The following ZBTB48 variants were observed in gnomAD, a reference collection of about 807,000 sequenced individuals.
ZBTB48 encodes zinc finger and BTB domain containing 48.
In ZBTB48, 35 loss-of-function variants were observed where a neutral mutation model predicts 64.5. That is an observed-to-expected ratio of 0.54 (90% CI 0.41 to 0.72). The LOEUF (loss-of-function observed/expected upper bound fraction) is 0.72, where lower values mean the gene tolerates loss of function less well. ZBTB48 is among the 30% of genes least tolerant of loss of function. The probability of loss-of-function intolerance (pLI) is 0.00; values close to 1 mark genes in which losing one functional copy is unlikely to be tolerated. For missense variants in ZBTB48, 828 were observed against 895.3 expected (o/e 0.92, Z 0.96); for synonymous variants, 442 against 356.7 (o/e 1.24, Z -2.70).
chr1:6,580,921 G>A lies in ZBTB48; in HGVS notation c.312G>A (p.Val104=), dbSNP rs1640423946. The change falls in exon 2 of 11, where the codon GTG becomes GTA. Residue 104 remains valine (V), a synonymous_variant. Coordinates refer to ENST00000377674, the MANE Select transcript of ZBTB48 (RefSeq NM_005341.4). The surrounding 1 kb of genome is among the most constrained non-coding windows in gnomAD (Gnocchi z 5.2). The stretch of plus-strand genomic sequence containing the variant: ...TCCTGGCAGCCAGGGAGTTGCGAGT[G>A]CCAGAGGCCGTAGAGCTGTGCCAGA... The part of the protein sequence containing the change: ...QVLLAARELR[V]PEAVELCQSF... The A allele has an allele frequency of 1.2e-6, 2 of 1,614,060 alleles. No homozygotes were observed. Among genetic ancestry groups the A allele is most frequent in the Non-Finnish European group, 1.7e-6 (2 of 1,180,052 alleles).
intron 5 of ZBTB48, 170 bp from the exon 6 acceptor site, chr1:6,587,035 G>C: frequency 1.1e-6 from 1 of 882,890 alleles, no homozygotes; most frequent in East Asian, 2.6e-5. Flanking sequence ...CCTCTGGGCA[G>C]CTGAGCCCTG....
chr1:6,585,469 G>A, intron 3 of ZBTB48: 1 of 184,352 alleles, frequency 5.4e-6, no homozygotes. Flanking sequence ...AACCTGTGGG[G>A]GAGGCAGTCA....
intron 9 of ZBTB48, 153 bp from the exon 10 acceptor site, chr1:6,588,603 G>C (rs1440448812): frequency 6.9e-7 from 1 of 1,445,216 alleles, no homozygotes; most frequent in Non-Finnish European, 9.3e-7. Context: ...GTGCAGTAGT[G>C]ACCCTGGGTG....
At position 6,581,193 on chromosome 1, in the gene ZBTB48, A is replaced by T; in HGVS notation, c.584A>T (p.Gln195Leu). Residue 195 changes from glutamine (Q) to leucine (L), a missense_variant, in exon 2 of 11, where the codon CAG (glutamine) becomes CTG (leucine). Transcript: ENST00000377674. ...TCCTCCCTCTGTGGGAAACTGAAGC[A>T]GGCCTTGAAGCCTTGTCCCCTTGAG... ...GPSSLCGKLK[Q>L]ALKPCPLEDK... The T allele has an allele frequency of 6.2e-7, 1 of 1,613,488 alleles. No individual in the cohort carries two copies. The highest frequency in any genetic ancestry group is 8.5e-7 in the Non-Finnish European group (1 of 1,180,024).
At chr1:6,585,674 T>C (rs2148691251) in intron 3 of ZBTB48, 1 of 516,570 alleles carries the variant, frequency 1.9e-6, no homozygotes, top group Non-Finnish European at 3.5e-6. Flanking sequence ...TGGGCCTCCC[T>C]GTCGGCCTCT....
intron 2 of ZBTB48, 116 bp from the exon 3 acceptor site, chr1:6,581,942 T>C (rs1640484320): frequency 6.7e-7 from 1 of 1,486,438 alleles, no homozygotes; most frequent in African/African-American, 1.4e-5. Flanking sequence ...AAGGAACTTG[T>C]CTGATGAAGG....
Position 6,580,553 on chromosome 1 carries a change from G to A in ZBTB48, c.-57G>A. 1.3e-6 allele frequency: 2 copies of A among 1,547,480 alleles called. No homozygotes were observed. Among genetic ancestry groups the A allele is most frequent in the Non-Finnish European group, 1.7e-6 (2 of 1,143,014 alleles). ...CTCTTGACTCCAGGAGCTTTCTCTT[G>A]CATACCCTCGCTTAGGCTGGCCGGG... On this transcript the variant is annotated 5_prime_UTR_variant, in exon 2 of 11. Transcript: ENST00000377674. The surrounding 1 kb of genome is among the most constrained non-coding windows in gnomAD (Gnocchi z 5.2).
In ZBTB48 at chr1:6,580,151, G is replaced by C. The variant is rs1249065098; in HGVS notation, c.-70+15G>C. 1 of 191,908 alleles carries C rather than the reference G, an allele frequency of 5.2e-6. No homozygotes were observed. Among genetic ancestry groups the C allele is most frequent in the Non-Finnish European group, 1.1e-5 (1 of 91,666 alleles). 11.9% of individuals were successfully genotyped at this position (191,908 alleles called of 1,614,324 possible). The stretch of plus-strand genomic sequence containing the variant: ...GACCTGCCTGGGTGAGGAGGGCGCG[G>C]GGTGAGGGAGGGAGGGGCTGCGGGC... On this transcript the variant is annotated intron_variant, in intron 1 of 10. Coordinates refer to ENST00000377674, the MANE Select transcript of ZBTB48 (RefSeq NM_005341.4). The surrounding 1 kb of genome is among the most constrained non-coding windows in gnomAD (Gnocchi z 5.2).
At position 6,580,461 on chromosome 1, in the gene ZBTB48, A is replaced by T; in HGVS notation, c.-69-80A>T. 1.2e-6 allele frequency: 1 copy of T among 812,916 alleles called. No homozygotes were observed. The highest frequency in any genetic ancestry group is 1.9e-6 in the Non-Finnish European group (1 of 532,870). The allele number at this position is 812,916 out of a possible 1,614,324, so 50.4% of individuals were successfully genotyped here. A position where few individuals can be genotyped will look rare whatever the true frequency, so the allele number is the denominator to read the frequency against. On this transcript the variant is annotated intron_variant, in intron 1 of 10. Transcript: ENST00000377674. The surrounding 1 kb of genome is among the most constrained non-coding windows in gnomAD (Gnocchi z 5.2). ...TTCCAGCCCTCCGCGTGCACCCCTC[A>T]CCCTGACCCAAGCCCTCGTGCTGAT...
At chr1:6,582,908 G>A (rs964973178) in intron 3 of ZBTB48, among the ~76,000 whole-genome samples, 3 of 152,192 alleles carry the variant, frequency 2.0e-5, no homozygotes, top group Admixed American at 6.5e-5. Flanking sequence ...GGGCTCAATC[G>A]ATCCACCCAC....
chr1:6,587,923 G>C, intron 7 of ZBTB48, 137 bp from the exon 8 acceptor site: 2 of 1,267,444 alleles, frequency 1.6e-6, no homozygotes, highest in Admixed American at 2.5e-5. Flanking sequence ...TTGTCCTTCT[G>C]CTCTCGGGGT....
rs749224047 is a variant in ZBTB48 at position 6,580,788 on chromosome 1, G to A, written c.179G>A (p.Gly60Glu). The part of the protein sequence containing the change: ...FFQSLYGDGS[G>E]GSVVLPAGFA... ...CAGAGCCTCTACGGGGATGGCTCAG[G>A]GGGCAGTGTCGTCCTCCCTGCTGGC... The change falls in exon 2 of 11, where the codon GGG becomes GAG. Residue 60 changes from glycine (G) to glutamate (E), a missense_variant. Transcript: ENST00000377674. The surrounding 1 kb of genome is among the most constrained non-coding windows in gnomAD (Gnocchi z 5.2). The A allele has an allele frequency of 6.2e-7, 1 of 1,614,124 alleles. No homozygotes were observed. Among genetic ancestry groups the A allele is most frequent in the African/African-American group, 1.3e-5 (1 of 74,954 alleles).
intron 9 of ZBTB48, 110 bp downstream of exon 9, chr1:6,588,552 T>TA (rs1640763498): frequency 6.9e-7 from 1 of 1,449,916 alleles, no homozygotes; most frequent in African/African-American, 1.4e-5. Context: ...CCCACATGGT[T>TA]AGAGTTGAGA....
Position 6,584,510 on chromosome 1 carries a change from CACTAGT to C in ZBTB48, c.933-1407_933-1402del, listed in dbSNP as rs1640590629. On this transcript the variant is annotated intron_variant, in intron 3 of 10. Transcript: ENST00000377674. This position sits in a 1 kb window ranked among gnomAD's most constrained non-coding sequence, Gnocchi z 4.5. ...TCTTGCCATGCCAGGTTGGGCGGCACACTAGTAATCACCTAGAATGGGAGCCAGGGG... is the reference window on the plus strand; with the variant it reads ...TCTTGCCATGCCAGGTTGGGCGGCACAATCACCTAGAATGGGAGCCAGGGG... Among the ~76,000 whole-genome samples, 1 of 152,268 alleles carries C rather than the reference CACTAGT, an allele frequency of 6.6e-6. No homozygotes were observed. The highest frequency in any genetic ancestry group is 2.4e-5 in the African/African-American group (1 of 41,476).
Position 6,580,894 on chromosome 1 carries a change from G to T in ZBTB48, c.285G>T (p.Val95=), listed in dbSNP as rs1318675239. Residue 95 remains valine, a synonymous_variant, in exon 2 of 11, where the codon GTG becomes GTT. Coordinates refer to ENST00000377674, the MANE Select transcript of ZBTB48 (RefSeq NM_005341.4). The surrounding 1 kb of genome is among the most constrained non-coding windows in gnomAD (Gnocchi z 5.2). ...TCACCTCAGGGAACCGGGATCAGGT[G>T]CTCCTGGCAGCCAGGGAGTTGCGAG... The part of the protein sequence containing the change: ...LALTSGNRDQ[V]LLAARELRVP... 1 of 1,614,150 alleles carries T rather than the reference G, an allele frequency of 6.2e-7. No individual in the cohort carries two copies.
chr1:6,589,037 C>T lies in ZBTB48; in HGVS notation c.1892C>T (p.Pro631Leu), dbSNP rs1640785005. The change falls in exon 11 of 11, where the codon CCT becomes CTT. Residue 631 changes from proline to leucine, a missense_variant. By Grantham distance (98) the Pro-to-Leu change is moderately conservative. Transcript: ENST00000377674. ...ATGGTGGTGGTGGCGCTGCAGCCGC[C>T]TGCAGAGCTGGAGGTGGGCTCGGCG... is the stretch of plus-strand genomic sequence containing the variant. ...EKMVVVALQP[P>L]AELEVGSAEV... The T allele has an allele frequency of 6.2e-7, 1 of 1,600,170 alleles. No homozygotes were observed.
chr1:6,586,681 C>T lies in ZBTB48; in HGVS notation c.1045-14C>T, dbSNP rs1292866852. 3 of 1,532,812 alleles carry T rather than the reference C, an allele frequency of 2.0e-6. No individual in the cohort carries two copies. Among genetic ancestry groups the T allele is most frequent in the Non-Finnish European group, 1.8e-6 (2 of 1,139,650 alleles). The allele number at this position is 1,532,812 out of a possible 1,614,324, so 95.0% of individuals were successfully genotyped here. A position where few individuals can be genotyped will look rare whatever the true frequency, so the allele number is the denominator to read the frequency against. On this transcript the variant is annotated splice_polypyrimidine_tract_variant and intron_variant, in intron 4 of 10. Coordinates refer to ENST00000377674, the MANE Select transcript of ZBTB48 (RefSeq NM_005341.4). ...CCCGCTGATGCCGGCCCTGCTTGCCCCTCACACTGCCAGGTCTTCACGTGC... is the reference window on the plus strand; with the variant it reads ...CCCGCTGATGCCGGCCCTGCTTGCCTCTCACACTGCCAGGTCTTCACGTGC...
At chr1:6,585,672 C>CCTGTCGGCCT in intron 3 of ZBTB48, 1 of 510,604 alleles carries the variant, frequency 2.0e-6, no homozygotes, top group African/African-American at 1.9e-5. Flanking sequence ...GCTGGGCCTC[C>CCTGTCGGCCT]CTGTCGGCCT....
At position 6,588,138 on chromosome 1, in the gene ZBTB48, A is replaced by G. The variant is rs2148695687; in HGVS notation, c.1458A>G (p.Thr486=). The change falls in exon 8 of 11, where the codon ACA becomes ACG. Residue 486 remains threonine, a synonymous_variant. Transcript: ENST00000377674. ...CCAATCTCAACATGCACCTGCGCAC[A>G]CACACGGGTGAGAAGCCCTTCCAGT... is the stretch of plus-strand genomic sequence containing the variant. ...QKANLNMHLR[T]HTGEKPFQCH... The G allele has an allele frequency of 1.2e-6, 2 of 1,614,112 alleles. No individual in the cohort carries two copies. The highest frequency in any genetic ancestry group is 1.7e-6 in the Non-Finnish European group (2 of 1,180,024).
Sources: allele counts gnomAD v4.1 joint callset (sites outside exome capture counted in the v4.1 genomes callset), GRCh38; gene constraint gnomAD v4.1.1; non-coding constraint Gnocchi (gnomAD v3.1); transcripts MANE v1.5; gene names NCBI Gene and HGNC (gene_info 2026-07-23, HGNC 2026-07-21).